FBXL17: variants seen among roughly 807,000 people sequenced by gnomAD.
FBXL17 encodes the protein F-box and leucine rich repeat protein 17, also known as F-box/LRR-repeat protein 17.
In FBXL17, 22 loss-of-function variants were observed where a neutral mutation model predicts 66.2. The observed-to-expected ratio is 0.33, with a 90% confidence interval of 0.24 to 0.47. The LOEUF is 0.47. Among genes scored for constraint, FBXL17 ranks in the 20% least tolerant of loss-of-function variants. The pLI is 1.00. For synonymous variants in FBXL17, 474 were observed against 400.5 expected, an observed-to-expected ratio of 1.18 and a Z score of -2.19; for missense variants, 878 against 948.2, an observed-to-expected ratio of 0.93 and a Z score of 0.97.
intron 6 of FBXL17, among the ~76,000 whole-genome samples, chr5:108,169,878 G>A (rs1484645840): frequency 1.3e-5 from 2 of 152,070 alleles, no homozygotes; most frequent in Non-Finnish European, 2.9e-5. Flanking sequence ...CATGCATTTA[G>A]TGAGCTTCTG....
At chr5:108,241,314 T>A (rs983435824) in intron 4 of FBXL17, among the ~76,000 whole-genome samples, 7 of 152,192 alleles carry the variant, frequency 4.6e-5, no homozygotes, top group Non-Finnish European at 4.4e-5. Context: ...AAAATATATT[T>A]TTTTAAATTG....
chr5:108,123,987 T>G (rs558196354), intron 6 of FBXL17, among the ~76,000 whole-genome samples: 21 of 152,262 alleles, frequency 1.4e-4, no homozygotes, highest in African/African-American at 5.1e-4. Flanking sequence ...ATATTAAAGA[T>G]ACAATAAGTT....
chr5:108,068,029 G>C (rs1748181752), intron 6 of FBXL17, among the ~76,000 whole-genome samples: 1 of 152,086 alleles, frequency 6.6e-6, no homozygotes, highest in Non-Finnish European at 1.5e-5. Flanking sequence ...ACAGTTAACA[G>C]CTGCTTCACT....
intron 6 of FBXL17, among the ~76,000 whole-genome samples, chr5:108,029,344 A>G (rs1321429487): frequency 6.6e-6 from 1 of 152,144 alleles, no homozygotes; most frequent in Non-Finnish European, 1.5e-5. Context: ...GAATCACACA[A>G]GCTTGAGGAA....
intron 5 of FBXL17, among the ~76,000 whole-genome samples, chr5:108,188,664 G>A (rs2150035120): frequency 6.6e-6 from 1 of 152,210 alleles, no homozygotes; most frequent in South Asian, 2.1e-4. Context: ...GCAGCTTCAG[G>A]CAACTGACCA....
intron 6 of FBXL17, among the ~76,000 whole-genome samples, chr5:108,032,927 G>C (rs1324076164): frequency 1.3e-5 from 2 of 152,144 alleles, no homozygotes; most frequent in Non-Finnish European, 2.9e-5. Context: ...GATGTGATTG[G>C]ATGGAACAAA....
intron 6 of FBXL17, among the ~76,000 whole-genome samples, chr5:108,161,643 C>T (rs959726035): frequency 6.6e-6 from 1 of 152,200 alleles, no homozygotes; most frequent in African/African-American, 2.4e-5. Context: ...AATAATGAAT[C>T]AACTCGGGGT....
At chr5:107,979,691 G>A (rs1284100463) in intron 7 of FBXL17, among the ~76,000 whole-genome samples, 1 of 152,104 alleles carries the variant, frequency 6.6e-6, no homozygotes, top group African/African-American at 2.4e-5. Context: ...CTTGATTATT[G>A]GTAAGGACCA....
At chr5:108,318,180 G>A (rs1201626404) in intron 4 of FBXL17, among the ~76,000 whole-genome samples, 2 of 151,374 alleles carry the variant, frequency 1.3e-5, no homozygotes, top group Admixed American at 6.6e-5. Flanking sequence ...CTTAATCATC[G>A]ACAGCCAGTT....
chr5:108,169,477 C>T (rs1752529129), intron 6 of FBXL17, among the ~76,000 whole-genome samples: 1 of 152,190 alleles, frequency 6.6e-6, no homozygotes, highest in Non-Finnish European at 1.5e-5. Flanking sequence ...AGGGCATTGT[C>T]TTGACATATT....
At chr5:108,234,087 T>C (rs1248458978) in intron 4 of FBXL17, among the ~76,000 whole-genome samples, 1 of 151,984 alleles carries the variant, frequency 6.6e-6, no homozygotes, top group Non-Finnish European at 1.5e-5. Flanking sequence ...ACTAAGAAAC[T>C]CTTGGCTAGA....
intron 7 of FBXL17, among the ~76,000 whole-genome samples, chr5:107,939,952 T>C (rs1164325032): frequency 6.6e-6 from 1 of 152,106 alleles, no homozygotes; most frequent in African/African-American, 2.4e-5. Context: ...TCCATCCAGA[T>C]GAAAATCAAT....
chr5:108,320,983 C>T (rs995500074), intron 4 of FBXL17, among the ~76,000 whole-genome samples: 3 of 151,700 alleles, frequency 2.0e-5, no homozygotes, highest in Non-Finnish European at 4.4e-5. Context: ...AAATAATTAC[C>T]AACTAGTACA....
chr5:108,055,924 T>A (rs72798137), intron 6 of FBXL17, among the ~76,000 whole-genome samples: 2,720 of 152,144 alleles, frequency 0.018, 27 homozygotes, highest in South Asian at 0.029. Context: ...AATAATAAAA[T>A]AATAAAAAGT....
At chr5:108,038,786 T>G (rs533014265) in intron 6 of FBXL17, among the ~76,000 whole-genome samples, 45 of 152,218 alleles carry the variant, frequency 3.0e-4, no homozygotes, top group Admixed American at 2.2e-3. Context: ...ATTTAGAGAA[T>G]GTAAAAGTTG....
intron 7 of FBXL17, among the ~76,000 whole-genome samples, chr5:107,973,856 A>C (rs1752478376): frequency 6.6e-6 from 1 of 152,082 alleles, no homozygotes; most frequent in South Asian, 2.1e-4. Flanking sequence ...AAAAAAAAAA[A>C]AAATACACTT....
chr5:108,272,220 G>A (rs555436771), intron 4 of FBXL17, among the ~76,000 whole-genome samples: 86 of 152,174 alleles, frequency 5.7e-4, no homozygotes, highest in Non-Finnish European at 9.4e-4. Context: ...GAACCCAGGA[G>A]GCGGAGCTTG....
At chr5:108,237,565 T>G (rs1447919853) in intron 4 of FBXL17, among the ~76,000 whole-genome samples, 2 of 152,226 alleles carry the variant, frequency 1.3e-5, no homozygotes, top group East Asian at 3.9e-4. Context: ...TTAATGGACT[T>G]TAATATCCCC....
Position 108,381,758 on chromosome 5 carries a change from A to G in FBXL17, c.-67T>C. On this transcript the variant is annotated 5_prime_UTR_variant, in exon 1 of 9. Coordinates refer to ENST00000542267, the MANE Select transcript of FBXL17 (RefSeq NM_001163315.3). ...AGACCCAGAGAGGCGGGCTCCCGGC[A>G]GCGGGGCAGGCCGCTCGCTGGCTCG... 2 of 1,377,404 alleles carry G rather than the reference A, an allele frequency of 1.5e-6. No homozygotes were observed. Among genetic ancestry groups the G allele is most frequent in the South Asian group, 3.2e-5 (2 of 62,040 alleles). 85.3% of individuals were successfully genotyped at this position (1,377,404 alleles called of 1,614,324 possible). A position where few individuals can be genotyped will look rare whatever the true frequency, so the allele number is the denominator to read the frequency against.
Sources: allele counts gnomAD v4.1 joint callset (sites outside exome capture counted in the v4.1 genomes callset), GRCh38; gene constraint gnomAD v4.1.1; transcripts MANE v1.5; gene names NCBI Gene and HGNC (gene_info 2026-07-23, HGNC 2026-07-21).